Variants in TMEM132E observed in about 807,000 individuals in gnomAD.
TMEM132E encodes the protein transmembrane protein 132E.
In TMEM132E, 49 loss-of-function variants were observed where a neutral mutation model predicts 78.5. That is an observed-to-expected ratio of 0.62 (90% CI 0.50 to 0.79). The LOEUF (loss-of-function observed/expected upper bound fraction) is 0.79. TMEM132E is among the 30% of genes least tolerant of loss of function. The pLI is 0.00. For missense variants in TMEM132E, 1,403 were observed against 1,470.9 expected, an observed-to-expected ratio of 0.95 and a Z score of 0.75; for synonymous variants, 715 against 670.6, an observed-to-expected ratio of 1.07 and a Z score of -1.02.
chr17:34,594,470 A>G (rs1905987245), intron 1 of TMEM132E, among the ~76,000 whole-genome samples: 1 of 152,218 alleles, frequency 6.6e-6, no homozygotes, highest in Non-Finnish European at 1.5e-5. Flanking sequence ...ATAAAATGGG[A>G]TAATAAGAGT....
chr17:34,583,388 A>G (rs994090004), intron 1 of TMEM132E, among the ~76,000 whole-genome samples: 1 of 152,170 alleles, frequency 6.6e-6, no homozygotes, highest in African/African-American at 2.4e-5. Context: ...GTGCCAGCAG[A>G]TACTTAAAAC....
chr17:34,635,774 C>G (rs1371402041), intron 7 of TMEM132E: 43 of 393,692 alleles, frequency 1.1e-4, no homozygotes, highest in South Asian at 6.5e-4. Flanking sequence ...ATTGGCCCAC[C>G]TCTCTCATTT....
At chr17:34,583,616 A>G (rs1048364120) in intron 1 of TMEM132E, among the ~76,000 whole-genome samples, 5 of 152,116 alleles carry the variant, frequency 3.3e-5, no homozygotes, top group African/African-American at 1.2e-4. Flanking sequence ...AGATAGAGGG[A>G]CAGTTGCAGT....
intron 1 of TMEM132E, among the ~76,000 whole-genome samples, chr17:34,591,307 A>AGTT (rs371351334): frequency 6.8e-6 from 1 of 146,618 alleles, no homozygotes. Flanking sequence ...CTCCCTCACT[A>AGTT]TTTTTTTTTT....
At chr17:34,615,517 ATGTGTGTGTGTG>A (rs3048841) in intron 1 of TMEM132E, among the ~76,000 whole-genome samples, 2,107 of 140,868 alleles carry the variant, frequency 0.015, 50 homozygotes, top group African/African-American at 0.052. Flanking sequence ...ACTGGCACAG[ATGTGTGTGTGTG>A]TGTGTGTGTG....
intron 2 of TMEM132E, 135 bp from the exon 3 acceptor site, chr17:34,628,428 G>T: frequency 9.6e-7 from 1 of 1,040,960 alleles, no homozygotes; most frequent in Non-Finnish European, 1.3e-6. Context: ...ACATTCATCT[G>T]AAACATCCAG....
chr17:34,626,794 C>G lies in TMEM132E; in HGVS notation c.735C>G (p.Cys245Trp), dbSNP rs1259605123. 1 of 1,508,050 alleles carries G rather than the reference C, an allele frequency of 6.6e-7. No homozygotes were observed. The highest frequency in any genetic ancestry group is 8.9e-7 in the Non-Finnish European group (1 of 1,128,954). 93.4% of individuals were successfully genotyped at this position (1,508,050 alleles called of 1,614,324 possible). A position where few individuals can be genotyped will look rare whatever the true frequency, so the allele number is the denominator to read the frequency against. Residue 245 changes from cysteine to tryptophan, a missense_variant, in exon 2 of 9, where the codon TGC becomes TGG. By Grantham distance (215) the Cys-to-Trp change is radical (BLOSUM62 -2). Around this residue, in one of 3 missense-constraint regions of TMEM132E, gnomAD observed 511 missense variants for 499.0 expected, o/e 1.02. Coordinates refer to ENST00000631683, the MANE Select transcript of TMEM132E (RefSeq NM_001304438.2). ...TLHAPDASGG[C>W]GGSRRGAGPG... The stretch of plus-strand genomic sequence containing the variant: ...ACGCCCCTGATGCGTCGGGGGGCTG[C>G]GGGGGCTCCCGCCGGGGGGCCGGGC...
intron 1 of TMEM132E, 55 bp downstream of exon 1, chr17:34,581,198 G>T: frequency 6.9e-7 from 1 of 1,444,464 alleles, no homozygotes; most frequent in South Asian, 1.3e-5. Flanking sequence ...CACTGGAGGG[G>T]GTACGGGGAA....
At chr17:34,589,351 A>G (rs1277162818) in intron 1 of TMEM132E, among the ~76,000 whole-genome samples, 1 of 152,174 alleles carries the variant, frequency 6.6e-6, no homozygotes, top group Non-Finnish European at 1.5e-5. Context: ...CCTTGTAGTC[A>G]CAGTGACTGG....
intron 1 of TMEM132E, among the ~76,000 whole-genome samples, chr17:34,619,497 C>T (rs1906890271): frequency 6.7e-6 from 1 of 149,476 alleles, no homozygotes; most frequent in Non-Finnish European, 1.5e-5. Flanking sequence ...TTCATTCATT[C>T]ATTCATTCGT....
chr17:34,603,197 T>TTGCACAG (rs1906295954), intron 1 of TMEM132E, among the ~76,000 whole-genome samples: 1 of 152,146 alleles, frequency 6.6e-6, no homozygotes, highest in African/African-American at 2.4e-5. Context: ...CCTGACCTCG[T>TTGCACAG]AGCCATCCTC....
intron 1 of TMEM132E, among the ~76,000 whole-genome samples, chr17:34,598,821 G>A (rs1906137566): frequency 6.6e-6 from 1 of 152,186 alleles, no homozygotes; most frequent in Non-Finnish European, 1.5e-5. Context: ...ACCTGGCCCT[G>A]GCCTAGCAAT....
intron 1 of TMEM132E, among the ~76,000 whole-genome samples, chr17:34,624,158 A>G (rs938145553): frequency 3.3e-5 from 5 of 152,232 alleles, no homozygotes; most frequent in African/African-American, 1.2e-4. Flanking sequence ...ATTTTTTTGA[A>G]GGATATTGAG....
At chr17:34,612,380 C>T (rs935459962) in intron 1 of TMEM132E, among the ~76,000 whole-genome samples, 1 of 152,178 alleles carries the variant, frequency 6.6e-6, no homozygotes, top group Non-Finnish European at 1.5e-5. Flanking sequence ...TCTGCTGTTG[C>T]TTCACTCTCC....
chr17:34,626,863 G>A lies in TMEM132E; in HGVS notation c.804G>A (p.Leu268=). The A allele has an allele frequency of 6.2e-7, 1 of 1,606,774 alleles. No homozygotes were observed. The highest frequency in any genetic ancestry group is 8.5e-7 in the Non-Finnish European group (1 of 1,179,050). ...CGGAAAGCCCTACCCAGCACCCCCT[G>A]CTGCGCATCGGGAGCATCAGCCTGT... ...ARAESPTQHP[L]LRIGSISLFR... Residue 268 remains leucine, a synonymous_variant, in exon 2 of 9, where the codon CTG becomes CTA. Transcript: ENST00000631683.
At position 34,634,793 on chromosome 17, in the gene TMEM132E, C is replaced by A. The variant is rs1370527066; in HGVS notation, c.1689-6C>A. The A allele has an allele frequency of 5.0e-6, 8 of 1,609,220 alleles. No homozygotes were observed. In the East Asian group the frequency reaches 1.8e-4, roughly 36 times the overall value. On this transcript the variant is annotated splice_polypyrimidine_tract_variant and splice_region_variant and intron_variant, in intron 6 of 8. Coordinates refer to ENST00000631683, the MANE Select transcript of TMEM132E (RefSeq NM_001304438.2). ...AAGCCTTCAGCATGGCATGTCCCCA[C>A]CCCAGGTCAGTCCGGGAAAGCGAGG...
Position 34,637,297 on chromosome 17 carries a change from A to G in TMEM132E, c.2290A>G (p.Thr764Ala), listed in dbSNP as rs1335046610. The change falls in exon 9 of 9, where the codon ACC becomes GCC. Residue 764 changes from threonine (T) to alanine (A), a missense_variant. By Grantham distance (58) the Thr-to-Ala change is moderately conservative. Coordinates refer to ENST00000631683, the MANE Select transcript of TMEM132E (RefSeq NM_001304438.2). ...CCTGGATGAGCATGTGGCCACTGTG[A>G]CCCAGGACCGGGCCTTCCCTCTGGT... ...SSLDEHVATV[T>A]QDRAFPLVVA... is the part of the protein sequence containing the mutation. 1.2e-6 allele frequency: 2 copies of G among 1,614,102 alleles called. No homozygotes were observed. The highest frequency in any genetic ancestry group is 2.2e-5 in the South Asian group (2 of 91,080).
intron 5 of TMEM132E, among the ~76,000 whole-genome samples, 179 bp from the exon 6 acceptor site, chr17:34,632,525 C>T (rs536179583): frequency 6.6e-6 from 1 of 152,368 alleles, no homozygotes; most frequent in East Asian, 1.9e-4. Context: ...CAAGAAAGAG[C>T]AGAAGCAGTG....
chr17:34,632,098 G>C (rs1431067134), intron 5 of TMEM132E, among the ~76,000 whole-genome samples: 1 of 152,162 alleles, frequency 6.6e-6, no homozygotes, highest in East Asian at 1.9e-4. Context: ...CTGTGCTTGG[G>C]GTTCTAAGGT....
Sources: allele counts gnomAD v4.1 joint callset (sites outside exome capture counted in the v4.1 genomes callset), GRCh38; gene constraint gnomAD v4.1.1; regional missense constraint gnomAD v4.1.1; transcripts MANE v1.5; gene names NCBI Gene and HGNC (gene_info 2026-07-23, HGNC 2026-07-21).